The following TSPAN16 variants were observed in gnomAD, a reference collection of about 807,000 sequenced individuals.
The protein encoded by TSPAN16 is tetraspanin 16.
A neutral mutation model predicts 25.2 loss-of-function variants in TSPAN16; 23 were observed. The observed-to-expected ratio is 0.91, with a 90% CI of 0.66 to 1.29. The LOEUF (loss-of-function observed/expected upper bound fraction) is 1.29. TSPAN16 is among the 50% of genes most tolerant of loss of function. The pLI is 0.00. For synonymous variants in TSPAN16, 123 were observed against 124.4 expected (o/e 0.99, Z 0.08); for missense variants, 272 against 299.9 (o/e 0.91, Z 0.69).
intron 4 of TSPAN16, among the ~76,000 whole-genome samples, chr19:11,304,517 A>T (rs188928833): frequency 6.7e-6 from 1 of 149,604 alleles, no homozygotes; most frequent in East Asian, 2.0e-4. Context: ...TAATTTTTAA[A>T]ATTTTTATTT....
intron 6 of TSPAN16, chr19:11,322,939 C>T (rs1359200376): frequency 2.0e-5 from 3 of 152,044 alleles, no homozygotes; most frequent in Middle Eastern, 3.2e-3. Context: ...CAAGGTGAAA[C>T]CGTCGCTACT....
At position 11,309,169 on chromosome 19, in the gene TSPAN16, G is replaced by A. The variant is rs118085154; in HGVS notation, c.603+2413G>A. On this transcript the variant is annotated intron_variant, in intron 5 of 6. Transcript: ENST00000590327. The stretch of plus-strand genomic sequence containing the variant: ...GGCTGCAGTGAGCCGTGATTGTGCC[G>A]CTGCACTCCGGCCTGGGCCACAGAG... 5.2e-3 allele frequency among the ~76,000 whole-genome samples: 791 copies of A among 151,280 alleles called. 30 individuals carry two copies. In the East Asian group the frequency reaches 0.1, roughly 20 times the overall value.
At chr19:11,299,985 GAAA>G (rs60293071) in intron 3 of TSPAN16, among the ~76,000 whole-genome samples, 5 of 107,760 alleles carry the variant, frequency 4.6e-5, no homozygotes, top group African/African-American at 1.2e-4. Context: ...CTCAAAAAAA[GAAA>G]AAAAAAAAAA....
chr19:11,308,375 C>T (rs554217989), intron 5 of TSPAN16, among the ~76,000 whole-genome samples: 6 of 151,996 alleles, frequency 3.9e-5, no homozygotes, highest in South Asian at 2.1e-4. Context: ...CTCGACTCAC[C>T]GCAGCCTCCG....
intron 6 of TSPAN16, chr19:11,325,620 C>T (rs753170297): frequency 1.7e-5 from 24 of 1,424,898 alleles, no homozygotes; most frequent in South Asian, 1.1e-4. Context: ...ACTCGTAAGA[C>T]CCCTGAGGGC....
downstream of TSPAN16, among the ~76,000 whole-genome samples, chr19:11,320,778 C>T (rs2080774063): frequency 6.6e-6 from 1 of 151,988 alleles, no homozygotes; most frequent in Non-Finnish European, 1.5e-5. Flanking sequence ...GAGATTTGCA[C>T]AGTAGCCCAA....
At chr19:11,297,954 A>T (rs1407475480) in intron 1 of TSPAN16, among the ~76,000 whole-genome samples, 188 bp from the exon 2 acceptor site, 3 of 149,220 alleles carry the variant, frequency 2.0e-5, no homozygotes, top group Non-Finnish European at 4.5e-5. Flanking sequence ...ACTACTGGCT[A>T]TTTTTTTTTT....
At chr19:11,301,594 G>A (rs968947138) in intron 4 of TSPAN16, among the ~76,000 whole-genome samples, 1 of 151,144 alleles carries the variant, frequency 6.6e-6, no homozygotes, top group African/African-American at 2.4e-5. Context: ...GAGTTGAGAT[G>A]GCACCACTGC....
chr19:11,325,339 C>T, intron 6 of TSPAN16: 2 of 1,197,356 alleles, frequency 1.7e-6, no homozygotes, highest in South Asian at 2.8e-5. Context: ...GTGGCTCACG[C>T]CTCGATCACA....
At chr19:11,297,999 C>T (rs143595377) in intron 1 of TSPAN16, 143 bp from the exon 2 acceptor site, 1 of 758,888 alleles carries the variant, frequency 1.3e-6, no homozygotes, top group African/African-American at 1.8e-5. Context: ...TCTTACCAAG[C>T]TGGTCTTGAA....
rs559590863 is a variant in TSPAN16, at chr19:11,312,080, G to A, written c.604-59G>A. On this transcript the variant is annotated intron_variant, in intron 5 of 6. Transcript: ENST00000590327. ...GGCCTAATGAGTTGGGGTTGATGGGGACTTGCAATCCATAAGCCCCTAACC... is the reference window on the plus strand; with the variant it reads ...GGCCTAATGAGTTGGGGTTGATGGGAACTTGCAATCCATAAGCCCCTAACC... The A allele has an allele frequency of 3.7e-6, 5 of 1,349,004 alleles. No individual in the cohort carries two copies. In the South Asian group the frequency reaches 4.9e-5, roughly 13 times the overall value. 83.6% of individuals were successfully genotyped at this position (1,349,004 alleles called of 1,614,324 possible).
chr19:11,298,111 C>A, intron 1 of TSPAN16, 31 bp from the exon 2 acceptor site: 1 of 1,611,062 alleles, frequency 6.2e-7, no homozygotes, highest in Non-Finnish European at 8.5e-7. Flanking sequence ...TAACAGATTA[C>A]TTTTCTTCCT....
downstream of TSPAN16, among the ~76,000 whole-genome samples, chr19:11,317,719 T>C (rs2080756305): frequency 6.6e-6 from 1 of 150,938 alleles, no homozygotes; most frequent in Non-Finnish European, 1.5e-5. Context: ...TGTCTCGAAC[T>C]CCTGACCTCA....
At chr19:11,311,716 C>G (rs772938613) in intron 5 of TSPAN16, among the ~76,000 whole-genome samples, 4 of 152,158 alleles carry the variant, frequency 2.6e-5, no homozygotes, top group Admixed American at 6.6e-5. Context: ...AGCTACCATG[C>G]CTGGCCTTTG....
chr19:11,309,052 A>G (rs2080661211), intron 5 of TSPAN16, among the ~76,000 whole-genome samples: 1 of 151,980 alleles, frequency 6.6e-6, no homozygotes, highest in African/African-American at 2.4e-5. Context: ...TTACAAAAAA[A>G]TTAAAAATCA....
intron 4 of TSPAN16, among the ~76,000 whole-genome samples, chr19:11,303,353 A>G (rs2080587211): frequency 6.8e-6 from 1 of 146,680 alleles, no homozygotes; most frequent in Admixed American, 6.8e-5. Context: ...AGATGCTTGA[A>G]GGCAGCATGC....
rs28428881 is a variant in TSPAN16 at position 11,299,713 on chromosome 19, G to A, written c.342+767G>A. ...AAGAGGGCCAGGTGCGGTGGCTCAC[G>A]CCTATAATCCCAGCACTTTGGGAGG... On this transcript the variant is annotated intron_variant, in intron 3 of 6. Coordinates refer to ENST00000590327, the MANE Select transcript of TSPAN16 (RefSeq NM_001282509.2). Among the ~76,000 whole-genome samples, 135 of 152,232 alleles carry A rather than the reference G, an allele frequency of 8.9e-4. 1 individual carries two copies. The highest frequency in any genetic ancestry group is 3.1e-3 in the African/African-American group (129 of 41,540).
downstream of TSPAN16, among the ~76,000 whole-genome samples, chr19:11,316,692 TATC>T (rs1158452103): frequency 5.3e-5 from 8 of 151,960 alleles, no homozygotes; most frequent in East Asian, 1.9e-4. Flanking sequence ...TAGGCTCACT[TATC>T]ATTTTTTTGT....
chr19:11,301,002 CCT>C (rs1404964880), intron 3 of TSPAN16, 197 bp from the exon 4 acceptor site: 18 of 551,790 alleles, frequency 3.3e-5, no homozygotes, highest in Non-Finnish European at 5.9e-5. Flanking sequence ...CACGCGTCTC[CCT>C]GTTTCCCTCT....
Sources: allele counts gnomAD v4.1 joint callset (sites outside exome capture counted in the v4.1 genomes callset), GRCh38; gene constraint gnomAD v4.1.1; transcripts MANE v1.5; gene names NCBI Gene and HGNC (gene_info 2026-07-23, HGNC 2026-07-21).